Variants in CFAP263 observed in about 807,000 individuals in gnomAD.
CFAP263 encodes cilia- and flagella-associated protein 263.
At chr16:58,273,724 T>C in the CFAP263 span, among the ~76,000 whole-genome samples, 1 of 152,206 alleles carries the variant, frequency 6.6e-6, no homozygotes, top group East Asian at 1.9e-4. Flanking sequence ...TGGTTTCTTA[T>C]TTCTTTGCCT....
chr16:58,266,389 A>ATATG, the CFAP263 span, among the ~76,000 whole-genome samples: 16 of 30,878 alleles, frequency 5.2e-4, no homozygotes, highest in South Asian at 6.8e-3. Context: ...ATATATATAT[A>ATATG]TATATATATA....
At chr16:58,254,490 T>C in the CFAP263 span, among the ~76,000 whole-genome samples, 117 of 152,344 alleles carry the variant, frequency 7.7e-4, no homozygotes, top group Admixed American at 4.2e-3. Context: ...GCTGGGTTAC[T>C]AGGAAGTGAA....
chr16:58,271,528 A>G, the CFAP263 span, among the ~76,000 whole-genome samples: 2 of 152,150 alleles, frequency 1.3e-5, no homozygotes, highest in Non-Finnish European at 2.9e-5. Context: ...CATTACATTT[A>G]CTGCTATGTC....
chr16:58,265,144 G>C, the CFAP263 span, among the ~76,000 whole-genome samples: 2 of 152,210 alleles, frequency 1.3e-5, no homozygotes, highest in Non-Finnish European at 2.9e-5. Flanking sequence ...AGAATTCTAA[G>C]ATGTCCCCAA....
the CFAP263 span, chr16:58,267,462 G>A: frequency 2.6e-6 from 4 of 1,553,652 alleles, no homozygotes; most frequent in South Asian, 1.1e-5. Flanking sequence ...AAGACTTGCT[G>A]TGTTGTTATA....
the CFAP263 span, chr16:58,280,354 G>C: frequency 1.2e-6 from 2 of 1,614,096 alleles, no homozygotes; most frequent in East Asian, 2.2e-5. Context: ...ATAGTATAAG[G>C]GTTGTACAGA....
chr16:58,250,031 C>T, the CFAP263 span: 1 of 1,594,768 alleles, frequency 6.3e-7, no homozygotes, highest in African/African-American at 1.3e-5. Flanking sequence ...GATGATGAGT[C>T]CGAGAGCGTC....
At chr16:58,257,930 A>C in the CFAP263 span, among the ~76,000 whole-genome samples, 1 of 152,090 alleles carries the variant, frequency 6.6e-6, no homozygotes, top group East Asian at 1.9e-4. Context: ...CAACTTGGTG[A>C]AACCCCTTCT....
the CFAP263 span, chr16:58,259,907 G>A: frequency 6.2e-7 from 1 of 1,604,114 alleles, no homozygotes. Flanking sequence ...AAGTTCAGAG[G>A]AAAAAAATGC....
the CFAP263 span, among the ~76,000 whole-genome samples, chr16:58,257,014 C>CT: frequency 2.6e-3 from 110 of 41,918 alleles, 22 homozygotes; most frequent in African/African-American, 3.6e-3. Flanking sequence ...ATATGAATTT[C>CT]TTTTTTTTTT....
chr16:58,274,491 G>A, the CFAP263 span, among the ~76,000 whole-genome samples: 63 of 152,308 alleles, frequency 4.1e-4, no homozygotes, highest in Non-Finnish European at 6.0e-4. Context: ...TTTGTCAAAG[G>A]AGGGACCTGG....
the CFAP263 span, among the ~76,000 whole-genome samples, chr16:58,279,295 G>A: frequency 2.0e-5 from 3 of 152,222 alleles, no homozygotes; most frequent in Non-Finnish European, 4.4e-5. Context: ...GTACCTTGGC[G>A]TTTTCACATC....
the CFAP263 span, among the ~76,000 whole-genome samples, chr16:58,273,644 A>C: frequency 6.6e-6 from 1 of 152,120 alleles, no homozygotes; most frequent in Admixed American, 6.5e-5. Context: ...TCCTTTGAAG[A>C]CTTCGTCTGC....
the CFAP263 span, among the ~76,000 whole-genome samples, chr16:58,264,970 CTG>C: frequency 6.6e-6 from 1 of 152,208 alleles, no homozygotes; most frequent in Non-Finnish European, 1.5e-5. Context: ...CTCTTCTCTT[CTG>C]TGAGTTTCAT....
the CFAP263 span, among the ~76,000 whole-genome samples, chr16:58,269,370 AT>A: frequency 1.9e-5 from 2 of 104,732 alleles, no homozygotes; most frequent in Non-Finnish European, 4.0e-5. Flanking sequence ...AAATACATTT[AT>A]TTATAAGAAG....
At chr16:58,263,421 T>C in the CFAP263 span, among the ~76,000 whole-genome samples, 1 of 152,214 alleles carries the variant, frequency 6.6e-6, no homozygotes, top group African/African-American at 2.4e-5. Context: ...GATTTTTTTC[T>C]CTTGTTAATA....
chr16:58,262,791 A>ATAGATAGATAGG, the CFAP263 span, among the ~76,000 whole-genome samples: 4 of 152,076 alleles, frequency 2.6e-5, no homozygotes, highest in African/African-American at 9.7e-5. Flanking sequence ...AGATAGATAG[A>ATAGATAGATAGG]TAGATAGATA....
the CFAP263 span, among the ~76,000 whole-genome samples, chr16:58,262,131 A>G: frequency 6.7e-6 from 1 of 149,634 alleles, no homozygotes; most frequent in Admixed American, 6.7e-5. Flanking sequence ...GCACTGCACC[A>G]CACTGTTGAG....
the CFAP263 span, among the ~76,000 whole-genome samples, chr16:58,265,807 A>G: frequency 0.73 from 111,540 of 152,158 alleles, 41,766 homozygotes; most frequent in African/African-American, 0.89. Flanking sequence ...TTGACTCAGC[A>G]TCACCAATTT....
Sources: allele counts gnomAD v4.1 joint callset (sites outside exome capture counted in the v4.1 genomes callset), GRCh38; gene constraint gnomAD v4.1.1; transcripts MANE v1.5; gene names NCBI Gene and HGNC (gene_info 2026-07-23, HGNC 2026-07-21).